Variants in CLEC4D observed in about 807,000 individuals in gnomAD.
The protein encoded by CLEC4D is C-type (calcium dependent, carbohydrate-recognition domain) lectin, superfamily member 8.
Under a neutral mutation model 21.1 loss-of-function variants are expected in CLEC4D, and 21 were observed. That is an observed-to-expected ratio of 1.00 (90% CI 0.71 to 1.43). CLEC4D has a LOEUF of 1.43. Ranked by LOEUF, CLEC4D falls within the 40% of genes most tolerant of loss-of-function variation. The pLI is 0.00. For synonymous variants in CLEC4D, 85 were observed against 83.1 expected, an observed-to-expected ratio of 1.02 and a Z score of -0.12; for missense variants, 289 against 260.7, an observed-to-expected ratio of 1.11 and a Z score of -0.75.
the CLEC4D span, among the ~76,000 whole-genome samples, chr12:8,530,628 C>T: frequency 1.3e-5 from 2 of 152,012 alleles, no homozygotes; most frequent in African/African-American, 2.4e-5. Flanking sequence ...GTGTATTTTA[C>T]ACTTACAGAA....
chr12:8,515,620 T>C (rs1422724235), intron 2 of CLEC4D, among the ~76,000 whole-genome samples: 7 of 152,140 alleles, frequency 4.6e-5, no homozygotes, highest in Non-Finnish European at 8.8e-5. Context: ...AAGGGATACA[T>C]CTTATGAGAA....
downstream of CLEC4D, chr12:8,522,428 C>T (rs1229506168): frequency 6.6e-6 from 1 of 152,150 alleles, no homozygotes; most frequent in African/African-American, 2.4e-5. Flanking sequence ...AGCTTTTTAA[C>T]CTAACTTTCC....
chr12:8,517,251 C>T (rs1940392636), intron 2 of CLEC4D, among the ~76,000 whole-genome samples: 1 of 152,062 alleles, frequency 6.6e-6, no homozygotes, highest in Non-Finnish European at 1.5e-5. Flanking sequence ...CAATAATTTG[C>T]TAAACTGTTT....
At chr12:8,516,597 CT>C (rs1940384842) in intron 2 of CLEC4D, among the ~76,000 whole-genome samples, 1 of 152,202 alleles carries the variant, frequency 6.6e-6, no homozygotes, top group East Asian at 1.9e-4. Context: ...AAGTCTGGCA[CT>C]ACTAAATATT....
In CLEC4D at chr12:8,519,033, T is replaced by A; in HGVS notation, c.257T>A (p.Ile86Asn). 6.2e-7 allele frequency: 1 copy of A among 1,614,138 alleles called. No homozygotes were observed. Among genetic ancestry groups the A allele is most frequent in the Non-Finnish European group, 8.5e-7 (1 of 1,180,010 alleles). The change falls in exon 4 of 6, where the codon ATT becomes AAT. Residue 86 changes from isoleucine (I) to asparagine (N), a missense_variant. By Grantham distance (149) the Ile-to-Asn change is moderately radical (BLOSUM62 -3). Coordinates refer to ENST00000299665, the MANE Select transcript of CLEC4D (RefSeq NM_080387.5). Reference sequence around the variant, plus strand: ...GGGAGCACCTGGAACTGTTGTCCTATTGACTGGAGAGCCTTCCAGTCCAAC... The same window carrying A: ...GGGAGCACCTGGAACTGTTGTCCTAATGACTGGAGAGCCTTCCAGTCCAAC... ...AEGSTWNCCP[I>N]DWRAFQSNCY...
chr12:8,522,937 C>A (rs980389022), downstream of CLEC4D, among the ~76,000 whole-genome samples: 1 of 152,150 alleles, frequency 6.6e-6, no homozygotes, highest in South Asian at 2.1e-4. Context: ...TTCCCAGAAC[C>A]ATTTACTGAA....
intron 4 of CLEC4D, 133 bp from the exon 5 acceptor site, chr12:8,520,093 T>C: frequency 7.2e-7 from 1 of 1,385,394 alleles, no homozygotes; most frequent in Non-Finnish European, 9.5e-7. Context: ...CAGGCAGGAT[T>C]TGAAAACAGA....
chr12:8,527,756 G>C, the CLEC4D span, among the ~76,000 whole-genome samples: 2 of 152,220 alleles, frequency 1.3e-5, no homozygotes, highest in Non-Finnish European at 2.9e-5. Flanking sequence ...AGTAGGCCTT[G>C]GCACATTCCA....
intron 2 of CLEC4D, among the ~76,000 whole-genome samples, chr12:8,516,056 A>T (rs144579826): frequency 2.0e-5 from 3 of 152,284 alleles, no homozygotes; most frequent in African/African-American, 7.2e-5. Flanking sequence ...TGCAGAGCCC[A>T]TTGATTATTT....
At chr12:8,515,799 A>G (rs76939061) in intron 2 of CLEC4D, among the ~76,000 whole-genome samples, 2,051 of 152,208 alleles carry the variant, frequency 0.013, 47 homozygotes, top group African/African-American at 0.046. Context: ...TATTTAATGT[A>G]TACATCTCAA....
At position 8,520,359 on chromosome 12, in the gene CLEC4D, G is replaced by A; in HGVS notation, c.500+18G>A. The A allele has an allele frequency of 6.2e-7, 1 of 1,601,654 alleles. No individual in the cohort carries two copies. The highest frequency in any genetic ancestry group is 8.5e-7 in the Non-Finnish European group (1 of 1,171,146). On this transcript the variant is annotated intron_variant, in intron 5 of 5. Transcript: ENST00000299665. ...CGCAGAGTGTAAGTATATTGAGTGG[G>A]CTAAGGGGATTTATAAGCAAAGGTT...
At chr12:8,528,297 A>C in the CLEC4D span, among the ~76,000 whole-genome samples, 2 of 152,216 alleles carry the variant, frequency 1.3e-5, no homozygotes, top group African/African-American at 4.8e-5. Flanking sequence ...GCATGTTAGC[A>C]CACGCAGCAC....
At chr12:8,513,894 G>A (rs1271652040) in intron 1 of CLEC4D, 134 bp downstream of exon 1, 5 of 602,260 alleles carry the variant, frequency 8.3e-6, no homozygotes, top group South Asian at 2.5e-5. Flanking sequence ...TAAAAATGAC[G>A]TTGGTGAAGA....
Position 8,521,428 on chromosome 12 carries a change from C to A in CLEC4D, c.*157C>A. The A allele has an allele frequency of 7.2e-7, 1 of 1,394,616 alleles. No individual in the cohort carries two copies. Among genetic ancestry groups the A allele is most frequent in the Admixed American group, 2.9e-5 (1 of 34,184 alleles). 86.4% of individuals were successfully genotyped at this position (1,394,616 alleles called of 1,614,324 possible). ...TTTATTTTGTTTGATTCATTCGAGACAACATGTGTGTATGTGTGTGTGTGT... is the reference window on the plus strand; with the variant it reads ...TTTATTTTGTTTGATTCATTCGAGAAAACATGTGTGTATGTGTGTGTGTGT... On this transcript the variant is annotated 3_prime_UTR_variant, in exon 6 of 6. Transcript: ENST00000299665.
At chr12:8,515,160 A>G in intron 1 of CLEC4D, 76 bp from the exon 2 acceptor site, 1 of 806,002 alleles carries the variant, frequency 1.2e-6, no homozygotes, top group Non-Finnish European at 2.2e-6. Context: ...TCACTTTTAG[A>G]TTGCTCCTTG....
chr12:8,518,561 T>C (rs768332703), intron 3 of CLEC4D, among the ~76,000 whole-genome samples: 1 of 152,232 alleles, frequency 6.6e-6, no homozygotes, highest in Non-Finnish European at 1.5e-5. Context: ...ATAAAGACAG[T>C]TTCCTCCTAG....
At chr12:8,518,061 C>G in intron 2 of CLEC4D, 103 bp from the exon 3 acceptor site, 1 of 555,476 alleles carries the variant, frequency 1.8e-6, no homozygotes, top group Admixed American at 3.1e-5. Flanking sequence ...AATATGAGGG[C>G]CTTAATTATT....
intron 4 of CLEC4D, among the ~76,000 whole-genome samples, chr12:8,519,373 T>G (rs1940428128): frequency 6.6e-6 from 1 of 152,176 alleles, no homozygotes; most frequent in African/African-American, 2.4e-5. Flanking sequence ...AAAGCTACCC[T>G]AACTACCTTC....
At chr12:8,513,905 G>A in intron 1 of CLEC4D, 145 bp downstream of exon 1, 1 of 568,636 alleles carries the variant, frequency 1.8e-6, no homozygotes, top group Admixed American at 2.5e-5. Flanking sequence ...TTGGTGAAGA[G>A]GAAGGACATA....
Sources: allele counts gnomAD v4.1 joint callset (sites outside exome capture counted in the v4.1 genomes callset), GRCh38; gene constraint gnomAD v4.1.1; transcripts MANE v1.5; gene names NCBI Gene and HGNC (gene_info 2026-07-23, HGNC 2026-07-21).